ZEB1: variants seen among roughly 807,000 people sequenced by gnomAD.
ZEB1 encodes the protein zinc finger E-box-binding homeobox 1.
A neutral mutation model predicts 84.9 loss-of-function variants in ZEB1; 21 were observed. The observed-to-expected ratio is 0.25, with a 90% CI of 0.18 to 0.36. The LOEUF is 0.36. Among genes scored for constraint, ZEB1 ranks in the 10% least tolerant of loss-of-function variants. The pLI, the probability that ZEB1 is intolerant of heterozygous loss-of-function variation, is 1.00. For synonymous variants in ZEB1, 420 were observed against 471.1 expected, an observed-to-expected ratio of 0.89 and a Z score of 1.41; for missense variants, 1,104 against 1,330.2, an observed-to-expected ratio of 0.83 and a Z score of 2.65.
At chr10:31,498,299 G>A (rs1393675213) in intron 3 of ZEB1, among the ~76,000 whole-genome samples, 1 of 151,946 alleles carries the variant, frequency 6.6e-6, no homozygotes, top group Non-Finnish European at 1.5e-5. Context: ...GTAGTTTAAT[G>A]GAAAGAGCTC....
chr10:31,422,996 T>C (rs1030342148), intron 1 of ZEB1, among the ~76,000 whole-genome samples: 22 of 152,162 alleles, frequency 1.4e-4, no homozygotes, highest in African/African-American at 5.3e-4. Context: ...GCAAAGGACA[T>C]GATTTCATTC....
chr10:31,455,722 C>G (rs1275692882), intron 1 of ZEB1, among the ~76,000 whole-genome samples: 1 of 152,170 alleles, frequency 6.6e-6, no homozygotes, highest in East Asian at 1.9e-4. Context: ...CATCTCACAC[C>G]AGTTAGAATG....
At chr10:31,479,035 AAAG>A (rs1163904561) in intron 2 of ZEB1, among the ~76,000 whole-genome samples, 1 of 151,874 alleles carries the variant, frequency 6.6e-6, no homozygotes, top group African/African-American at 2.4e-5. Flanking sequence ...AATCTTAAAA[AAAG>A]AAATTTATAA....
chr10:31,476,030 C>T (rs906015243), intron 2 of ZEB1, among the ~76,000 whole-genome samples: 3 of 151,908 alleles, frequency 2.0e-5, no homozygotes, highest in Admixed American at 6.6e-5. Flanking sequence ...CCATCTGCTG[C>T]CTACCAGAGA....
At chr10:31,445,322 C>T (rs2059615238) in intron 1 of ZEB1, among the ~76,000 whole-genome samples, 1 of 149,438 alleles carries the variant, frequency 6.7e-6, no homozygotes. Context: ...TGGGCTGAGA[C>T]AATGGGGTTT....
At chr10:31,493,553 CT>C in intron 2 of ZEB1, among the ~76,000 whole-genome samples, 2 of 152,072 alleles carry the variant, frequency 1.3e-5, no homozygotes, top group Middle Eastern at 3.4e-3. Flanking sequence ...GATTTTATTA[CT>C]TTACTCCCCT....
Position 31,393,616 on chromosome 10 carries a change from A to G in ZEB1, c.59-67421A>G, listed in dbSNP as rs182702937. Among the ~76,000 whole-genome samples the G allele has an allele frequency of 9.8e-4, 149 of 152,306 alleles. 3 individuals carry two copies. Among genetic ancestry groups the G allele is most frequent in the Admixed American group, 4.8e-3 (73 of 15,288 alleles). Reference sequence around the variant, plus strand: ...AGTTGACCTCACTCAATTCATTAAAACAGTGCTAGGTTCCTGGTTTTCGTG... The same window carrying G: ...AGTTGACCTCACTCAATTCATTAAAGCAGTGCTAGGTTCCTGGTTTTCGTG... On this transcript the variant is annotated intron_variant, in intron 1 of 8. Coordinates refer to ENST00000424869, the MANE Select transcript of ZEB1 (RefSeq NM_001174096.2).
chr10:31,426,862 T>C (rs1399632445), intron 1 of ZEB1, among the ~76,000 whole-genome samples: 1 of 152,180 alleles, frequency 6.6e-6, no homozygotes, highest in Non-Finnish European at 1.5e-5. Context: ...ATCAGAGACA[T>C]ATGTAAAATA....
chr10:31,326,537 C>G (rs949321052), intron 1 of ZEB1, among the ~76,000 whole-genome samples: 3 of 152,120 alleles, frequency 2.0e-5, no homozygotes, highest in Non-Finnish European at 2.9e-5. Flanking sequence ...TTGGGAGAAT[C>G]ATCCAAAGCC....
intron 1 of ZEB1, among the ~76,000 whole-genome samples, chr10:31,383,398 A>G (rs1036673791): frequency 3.9e-5 from 6 of 152,202 alleles, no homozygotes; most frequent in Non-Finnish European, 8.8e-5. Context: ...TCCAGAAATA[A>G]AGAGAAATGT....
At chr10:31,399,939 T>C (rs1242368182) in intron 1 of ZEB1, among the ~76,000 whole-genome samples, 1 of 152,186 alleles carries the variant, frequency 6.6e-6, no homozygotes, top group Non-Finnish European at 1.5e-5. Flanking sequence ...GGTTGTTCTC[T>C]GTAATACTCT....
chr10:31,362,373 G>A (rs1407687849), intron 1 of ZEB1, among the ~76,000 whole-genome samples: 42 of 149,964 alleles, frequency 2.8e-4, no homozygotes, highest in African/African-American at 5.4e-4. Context: ...TAGGGGGGCC[G>A]GGCAGAGGCA....
intron 1 of ZEB1, chr10:31,358,381 GT>G (rs1213300437): frequency 6.6e-6 from 1 of 152,110 alleles, no homozygotes; most frequent in African/African-American, 2.4e-5. Flanking sequence ...TGACTCCTGT[GT>G]TTCAAGCACC....
At chr10:31,373,677 A>G (rs1400073325) in intron 1 of ZEB1, among the ~76,000 whole-genome samples, 1 of 151,882 alleles carries the variant, frequency 6.6e-6, no homozygotes, top group Non-Finnish European at 1.5e-5. Context: ...TTAGTTTAAC[A>G]TTAGTTCTTT....
intron 1 of ZEB1, among the ~76,000 whole-genome samples, chr10:31,442,549 A>C (rs538807632): frequency 5.4e-5 from 8 of 147,896 alleles, no homozygotes; most frequent in African/African-American, 2.1e-4. Flanking sequence ...CTAGAACTTA[A>C]AAGTATAATA....
chr10:31,436,710 C>T (rs546988656), intron 1 of ZEB1, among the ~76,000 whole-genome samples: 5 of 152,196 alleles, frequency 3.3e-5, no homozygotes, highest in African/African-American at 9.6e-5. Flanking sequence ...CAGAAGTATA[C>T]GAGGAGCATT....
chr10:31,495,293 T>C (rs1042870867), intron 2 of ZEB1, among the ~76,000 whole-genome samples: 1 of 152,056 alleles, frequency 6.6e-6, no homozygotes, highest in Non-Finnish European at 1.5e-5. Flanking sequence ...TAAAAATATA[T>C]AATTCTACCG....
At chr10:31,362,759 A>C (rs1469804427) in intron 1 of ZEB1, 1 of 616,708 alleles carries the variant, frequency 1.6e-6, no homozygotes, top group South Asian at 1.7e-5. Flanking sequence ...CAATCTCTTG[A>C]TCTCCTGATC....
chr10:31,336,644 GA>G, intron 1 of ZEB1, among the ~76,000 whole-genome samples: 1 of 152,186 alleles, frequency 6.6e-6, no homozygotes, highest in African/African-American at 2.4e-5. Flanking sequence ...GGGAAATAAA[GA>G]TGAACAATCT....
Sources: gnomAD v4.1 joint callset for allele counts (sites outside exome capture counted in the v4.1 genomes callset) on GRCh38, gnomAD v4.1.1 for gene constraint, MANE v1.5 for transcripts, NCBI Gene and HGNC (gene_info 2026-07-23, HGNC 2026-07-21) for gene names.